The following CLEC3B variants were observed in gnomAD, a reference collection of about 807,000 sequenced individuals.
The protein encoded by CLEC3B is tetranectin.
In CLEC3B, 13 loss-of-function variants were observed where a neutral mutation model predicts 15.4. That is an observed-to-expected ratio of 0.84 (90% CI 0.55 to 1.34). CLEC3B has a LOEUF of 1.34. Among genes scored for constraint, CLEC3B ranks in the 40% most tolerant of loss-of-function variants. CLEC3B has a pLI of 0.00. For missense variants in CLEC3B, 242 were observed against 268.6 expected, an observed-to-expected ratio of 0.90 and a Z score of 0.69; for synonymous variants, 112 against 114.7, an observed-to-expected ratio of 0.98 and a Z score of 0.15.
At chr3:45,028,129 T>C (rs1697508165) in intron 1 of CLEC3B, among the ~76,000 whole-genome samples, 2 of 152,176 alleles carry the variant, frequency 1.3e-5, no homozygotes, top group South Asian at 2.1e-4. Context: ...CAGGCACTTA[T>C]AGAGCTCTTT....
At chr3:45,026,971 A>G (rs888867138) in intron 1 of CLEC3B, among the ~76,000 whole-genome samples, 2 of 152,246 alleles carry the variant, frequency 1.3e-5, no homozygotes, top group Admixed American at 6.5e-5. Context: ...ATGAATTCTC[A>G]TTTCTGTAGC....
At chr3:45,034,475 G>T (rs1259911188) in intron 2 of CLEC3B, 1 of 152,206 alleles carries the variant, frequency 6.6e-6, no homozygotes, top group African/African-American at 2.4e-5. Flanking sequence ...AAGTGGTGGG[G>T]TCACCAGCAA....
chr3:45,035,834 C>T lies in CLEC3B; in HGVS notation c.519C>T (p.Cys173=). 1 of 1,613,176 alleles carries T rather than the reference C, an allele frequency of 6.2e-7. No individual in the cohort carries two copies. Among genetic ancestry groups the T allele is most frequent in the Non-Finnish European group, 8.5e-7 (1 of 1,179,958 alleles). Reference sequence around the variant, plus strand: ...CCGATGGCGGCAAGACCGAGAACTGCGCGGTCCTGTCAGGCGCGGCCAACG... The same window carrying T: ...CCGATGGCGGCAAGACCGAGAACTGTGCGGTCCTGTCAGGCGCGGCCAACG... ...AQPDGGKTEN[C]AVLSGAANGK... Residue 173 remains cysteine (C), a synonymous_variant, in exon 3 of 3, where the codon TGC becomes TGT. Coordinates refer to ENST00000296130, the MANE Select transcript of CLEC3B (RefSeq NM_003278.3).
chr3:45,035,842 T>C lies in CLEC3B; in HGVS notation c.527T>C (p.Leu176Pro), dbSNP rs777153455. Residue 176 changes from leucine to proline, a missense_variant, in exon 3 of 3, where the codon CTG (leucine) becomes CCG (proline). By Grantham distance (98) the Leu-to-Pro change is moderately conservative (BLOSUM62 -3). Coordinates refer to ENST00000296130, the MANE Select transcript of CLEC3B (RefSeq NM_003278.3). ...DGGKTENCAV[L>P]SGAANGKWFD... ...GGCAAGACCGAGAACTGCGCGGTCC[T>C]GTCAGGCGCGGCCAACGGCAAGTGG... The C allele has an allele frequency of 9.9e-6, 16 of 1,612,792 alleles. No homozygotes were observed. Among genetic ancestry groups the C allele is most frequent in the Non-Finnish European group, 1.4e-5 (16 of 1,179,856 alleles).
intron 2 of CLEC3B, among the ~76,000 whole-genome samples, chr3:45,035,289 C>T (rs531771123): frequency 1.8e-4 from 27 of 152,260 alleles, no homozygotes; most frequent in African/African-American, 9.6e-5. Flanking sequence ...CTCCCAGCCG[C>T]GGGAGCACCA....
intron 2 of CLEC3B, among the ~76,000 whole-genome samples, chr3:45,031,593 G>A (rs1429820136): frequency 2.6e-5 from 4 of 152,208 alleles, no homozygotes; most frequent in Admixed American, 2.0e-4. Flanking sequence ...GGGCCTTGGT[G>A]TTCCTGGCTC....
intron 2 of CLEC3B, among the ~76,000 whole-genome samples, chr3:45,033,758 C>T (rs1050160387): frequency 6.6e-6 from 1 of 152,198 alleles, no homozygotes; most frequent in Non-Finnish European, 1.5e-5. Context: ...ATGATAGTAT[C>T]ACGAGAAGTA....
intron 1 of CLEC3B, among the ~76,000 whole-genome samples, chr3:45,029,349 C>T (rs1035280953): frequency 5.3e-5 from 8 of 152,234 alleles, no homozygotes; most frequent in Non-Finnish European, 7.3e-5. Flanking sequence ...TGTCCCTCAG[C>T]AGAATGCCCT....
chr3:45,035,867 GT>G lies in CLEC3B; in HGVS notation c.554del (p.Phe185SerfsTer?). 5.0e-6 allele frequency: 8 copies of G among 1,612,060 alleles called. No homozygotes were observed. The highest frequency in any genetic ancestry group is 6.8e-6 in the Non-Finnish European group (8 of 1,179,716). ...VLSGAANGKW[F>X]DKRCRDQLPY... The stretch of plus-strand genomic sequence containing the variant: ...TGTCAGGCGCGGCCAACGGCAAGTG[GT>G]TCGACAAGCGCTGCCGCGATCAGCT... On this transcript the variant is annotated frameshift_variant, in exon 3 of 3. Coordinates refer to ENST00000296130, the MANE Select transcript of CLEC3B (RefSeq NM_003278.3). LOFTEE classifies it high-confidence loss of function.
intron 2 of CLEC3B, 64 bp from the exon 3 acceptor site, chr3:45,035,460 C>T (rs1039778290): frequency 2.6e-6 from 4 of 1,543,712 alleles, no homozygotes; most frequent in African/African-American, 2.7e-5. Context: ...TTGGCCTGGG[C>T]GGTTGGCTCT....
intron 2 of CLEC3B, among the ~76,000 whole-genome samples, chr3:45,033,675 G>A (rs1425408025): frequency 6.6e-6 from 1 of 152,180 alleles, no homozygotes; most frequent in East Asian, 1.9e-4. Flanking sequence ...GGCAGGGCAG[G>A]AGCAGAGGTG....
chr3:45,035,401 G>A lies in CLEC3B; in HGVS notation c.209-123G>A, dbSNP rs1697623569. 1.2e-5 allele frequency: 16 copies of A among 1,335,546 alleles called. No homozygotes were observed. In the South Asian group the frequency reaches 2.1e-4, roughly 17 times the overall value. 82.7% of individuals were successfully genotyped at this position (1,335,546 alleles called of 1,614,324 possible). ...GGACCCCTTTTGCCTGGGTCTAAGG[G>A]GCTGTCAGGACTGATGGGATAAACG... On this transcript the variant is annotated intron_variant, in intron 2 of 2. Transcript: ENST00000296130.
At chr3:45,031,077 C>A in intron 2 of CLEC3B, 152 bp downstream of exon 2, 1 of 592,090 alleles carries the variant, frequency 1.7e-6, no homozygotes. Flanking sequence ...TCAGGGAGCC[C>A]CACCTCTTTC....
chr3:45,026,522 T>G, intron 1 of CLEC3B, 51 bp downstream of exon 1: 1 of 1,486,322 alleles, frequency 6.7e-7, no homozygotes, highest in Non-Finnish European at 9.4e-7. Context: ...CAGGTCCCCC[T>G]CTCCTTAGTG....
intron 1 of CLEC3B, among the ~76,000 whole-genome samples, chr3:45,027,448 A>G (rs1697499244): frequency 6.6e-6 from 1 of 152,274 alleles, no homozygotes; most frequent in Admixed American, 6.5e-5. Context: ...CTGCTGATAA[A>G]AAAATCATCT....
Position 45,035,543 on chromosome 3 carries a change from G to A in CLEC3B, c.228G>A (p.Lys76=), listed in dbSNP as rs766310783. ...TCCCAGTCTGCCTGAAGGGGACCAA[G>A]GTGCACATGAAATGCTTTCTGGCCT... is the stretch of plus-strand genomic sequence containing the variant. ...ALQTVCLKGT[K]VHMKCFLAFT... is the part of the protein sequence containing the mutation. The change falls in exon 3 of 3, where the codon AAG becomes AAA. Residue 76 remains lysine (K), a synonymous_variant. Coordinates refer to ENST00000296130, the MANE Select transcript of CLEC3B (RefSeq NM_003278.3). 6.2e-7 allele frequency: 1 copy of A among 1,607,946 alleles called. No homozygotes were observed. The highest frequency in any genetic ancestry group is 8.5e-7 in the Non-Finnish European group (1 of 1,175,858).
chr3:45,032,616 A>AT (rs1697574550), intron 2 of CLEC3B, among the ~76,000 whole-genome samples: 2 of 152,194 alleles, frequency 1.3e-5, no homozygotes, highest in Admixed American at 1.3e-4. Context: ...TGCCCAGCAT[A>AT]GTGCCTGCCA....
At chr3:45,034,208 A>C (rs1697604699) in intron 2 of CLEC3B, among the ~76,000 whole-genome samples, 1 of 152,220 alleles carries the variant, frequency 6.6e-6, no homozygotes, top group Non-Finnish European at 1.5e-5. Context: ...AAGTCTAGGT[A>C]GCACGTCAGT....
intron 1 of CLEC3B, among the ~76,000 whole-genome samples, chr3:45,028,252 T>C (rs969712866): frequency 6.6e-6 from 1 of 152,178 alleles, no homozygotes; most frequent in South Asian, 2.1e-4. Flanking sequence ...ATCTGGGAGA[T>C]ACATTAGAAT....
Sources: gnomAD v4.1 joint callset for allele counts (sites outside exome capture counted in the v4.1 genomes callset) on GRCh38, gnomAD v4.1.1 for gene constraint, MANE v1.5 for transcripts, NCBI Gene and HGNC (gene_info 2026-07-23, HGNC 2026-07-21) for gene names.